The following TMTC2 variants were observed in gnomAD, a reference collection of about 807,000 sequenced individuals.
TMTC2 encodes the protein protein O-mannosyl-transferase TMTC2.
A neutral mutation model predicts 82.4 loss-of-function variants in TMTC2; 43 were observed. The ratio of observed to expected loss-of-function variants is 0.52; its 90% CI spans 0.41 to 0.67. TMTC2 has a LOEUF of 0.67. Ranked by LOEUF, TMTC2 falls within the 30% of genes least tolerant of loss-of-function variation. The pLI, the probability that TMTC2 is intolerant of heterozygous loss-of-function variation, is 0.00. For missense variants in TMTC2, 919 were observed against 1,012.4 expected, an observed-to-expected ratio of 0.91 and a Z score of 1.25; for synonymous variants, 408 against 381.9, an observed-to-expected ratio of 1.07 and a Z score of -0.80.
At chr12:83,031,298 G>A (rs1395403398) in intron 9 of TMTC2, among the ~76,000 whole-genome samples, 1 of 152,178 alleles carries the variant, frequency 6.6e-6, no homozygotes, top group Non-Finnish European at 1.5e-5. Context: ...CAAAAGTCTT[G>A]CTTTCTGGAA....
At chr12:82,921,845 C>T (rs896161085) in intron 3 of TMTC2, among the ~76,000 whole-genome samples, 10 of 151,822 alleles carry the variant, frequency 6.6e-5, no homozygotes, top group African/African-American at 2.2e-4. Flanking sequence ...TTCCTGTAAT[C>T]CCAGCACTTT....
intron 5 of TMTC2, 146 bp from the exon 6 acceptor site, chr12:82,965,414 T>C: frequency 1.3e-6 from 1 of 799,442 alleles, no homozygotes; most frequent in Non-Finnish European, 1.9e-6. Flanking sequence ...CTACCATTAT[T>C]GATCCCATGA....
intron 10 of TMTC2, among the ~76,000 whole-genome samples, chr12:83,056,647 C>A (rs1299202349): frequency 6.6e-6 from 1 of 151,732 alleles, no homozygotes; most frequent in Non-Finnish European, 1.5e-5. Flanking sequence ...TATATATTTC[C>A]AGCGCCCTCT....
At chr12:82,980,872 C>G (rs962624163) in intron 7 of TMTC2, among the ~76,000 whole-genome samples, 1 of 151,886 alleles carries the variant, frequency 6.6e-6, no homozygotes, top group African/African-American at 2.4e-5. Context: ...GTCTATGTTA[C>G]TACATTTTTA....
intron 4 of TMTC2, among the ~76,000 whole-genome samples, chr12:82,939,082 G>A (rs1876565462): frequency 6.6e-6 from 1 of 152,050 alleles, no homozygotes; most frequent in South Asian, 2.1e-4. Flanking sequence ...AATGCTCAGT[G>A]GGATGATTTC....
At chr12:82,757,503 C>T (rs1876404022) in intron 1 of TMTC2, among the ~76,000 whole-genome samples, 1 of 152,106 alleles carries the variant, frequency 6.6e-6, no homozygotes, top group Admixed American at 6.6e-5. Context: ...CAATCTGAGG[C>T]TTTATATAGG....
intron 8 of TMTC2, among the ~76,000 whole-genome samples, chr12:83,015,529 C>G (rs2137394159): frequency 6.6e-6 from 1 of 152,240 alleles, no homozygotes; most frequent in Non-Finnish European, 1.5e-5. Context: ...TTTTTTCCTT[C>G]TAAGGTCAAG....
intron 1 of TMTC2, among the ~76,000 whole-genome samples, chr12:82,797,296 A>G (rs935297995): frequency 1.3e-5 from 2 of 152,140 alleles, no homozygotes; most frequent in Admixed American, 6.5e-5. Context: ...CAATTTTAAT[A>G]AAACGTGTGG....
chr12:83,123,605 T>C lies in TMTC2; in HGVS notation c.2332-8605T>C, dbSNP rs140966513. ...ATCTTGCATTTTAAGTAAGGACTTA[T>C]TTTTTTCATTTTGGTTGGTGCCAGA... On this transcript the variant is annotated intron_variant, in intron 11 of 11. Coordinates refer to ENST00000321196, the MANE Select transcript of TMTC2 (RefSeq NM_152588.3). 8.0e-4 allele frequency among the ~76,000 whole-genome samples: 122 copies of C among 152,274 alleles called. 2 individuals carry two copies. Among genetic ancestry groups the C allele is most frequent in the African/African-American group, 2.7e-3 (113 of 41,566 alleles).
chr12:82,919,995 G>A (rs544259509), intron 3 of TMTC2, among the ~76,000 whole-genome samples: 8 of 152,186 alleles, frequency 5.3e-5, no homozygotes, highest in South Asian at 2.1e-4. Context: ...ACCTCCACCC[G>A]TTATGCAGTT....
intron 8 of TMTC2, among the ~76,000 whole-genome samples, chr12:82,993,241 C>A (rs890272502): frequency 3.9e-5 from 6 of 152,104 alleles, no homozygotes; most frequent in Non-Finnish European, 4.4e-5. Flanking sequence ...CTTTGGCCTC[C>A]CAAAGTGCTG....
chr12:83,085,629 A>T (rs1037392530), intron 11 of TMTC2, among the ~76,000 whole-genome samples: 1 of 152,190 alleles, frequency 6.6e-6, no homozygotes, highest in Non-Finnish European at 1.5e-5. Context: ...ATCTGAGCTC[A>T]ATTTCTTACA....
intron 8 of TMTC2, among the ~76,000 whole-genome samples, chr12:83,028,335 A>T (rs1194780130): frequency 6.6e-6 from 1 of 152,168 alleles, no homozygotes; most frequent in African/African-American, 2.4e-5. Flanking sequence ...AAAAATTAAG[A>T]CTATTTTAAA....
chr12:82,876,162 G>GATGATGATGATGGTGATTA (rs1872563132), intron 2 of TMTC2, among the ~76,000 whole-genome samples: 3 of 142,680 alleles, frequency 2.1e-5, no homozygotes, highest in African/African-American at 8.6e-5. Context: ...TGGTAGTGGT[G>GATGATGATGATGGTGATTA]GTAGTGTTGT....
chr12:82,806,388 A>G (rs1221455529), intron 1 of TMTC2, among the ~76,000 whole-genome samples: 2 of 152,192 alleles, frequency 1.3e-5, no homozygotes, highest in Non-Finnish European at 2.9e-5. Context: ...TGCAAGGACC[A>G]AAGAAGAATC....
chr12:83,114,305 T>C (rs1884688279), intron 11 of TMTC2, among the ~76,000 whole-genome samples: 1 of 152,008 alleles, frequency 6.6e-6, no homozygotes, highest in African/African-American at 2.4e-5. Flanking sequence ...TTTCTCTGCC[T>C]GCACACACCA....
intron 2 of TMTC2, among the ~76,000 whole-genome samples, chr12:82,888,770 C>T (rs991050380): frequency 6.6e-6 from 1 of 152,116 alleles, no homozygotes; most frequent in African/African-American, 2.4e-5. Context: ...AGAGATGTGT[C>T]AGTTATAGCT....
At chr12:82,912,086 A>T (rs1397039085) in intron 3 of TMTC2, among the ~76,000 whole-genome samples, 1 of 152,192 alleles carries the variant, frequency 6.6e-6, no homozygotes, top group Non-Finnish European at 1.5e-5. Context: ...AGCATAATTC[A>T]GTTCCTTTTT....
chr12:83,118,429 C>A (rs1190735131), intron 11 of TMTC2, among the ~76,000 whole-genome samples: 2 of 152,096 alleles, frequency 1.3e-5, no homozygotes, highest in Non-Finnish European at 2.9e-5. Flanking sequence ...TTAAGATGAT[C>A]ATGTGATTTT....
Sources: allele counts gnomAD v4.1 joint callset (sites outside exome capture counted in the v4.1 genomes callset), GRCh38; gene constraint gnomAD v4.1.1; transcripts MANE v1.5; gene names NCBI Gene and HGNC (gene_info 2026-07-23, HGNC 2026-07-21).